Variants in RMND5A observed in about 807,000 individuals in gnomAD.
The protein encoded by RMND5A is required for meiotic nuclear division 5 homolog A.
A neutral mutation model predicts 49.7 loss-of-function variants in RMND5A; 17 were observed. The ratio of observed to expected loss-of-function variants is 0.34; its 90% confidence interval spans 0.23 to 0.51. The LOEUF (loss-of-function observed/expected upper bound fraction) is 0.51, where lower values mean the gene tolerates loss of function less well. RMND5A is among the 20% of genes least tolerant of loss of function. The probability of loss-of-function intolerance (pLI) is 0.96; values close to 1 mark genes in which losing one functional copy is unlikely to be tolerated. For synonymous variants in RMND5A, 156 were observed against 167.7 expected, an observed-to-expected ratio of 0.93 and a Z score of 0.54; for missense variants, 255 against 471.3, an observed-to-expected ratio of 0.54 and a Z score of 4.25.
At chr2:86,766,110 C>A in intron 6 of RMND5A, 86 bp downstream of exon 6, 1 of 1,201,946 alleles carries the variant, frequency 8.3e-7, no homozygotes, top group Non-Finnish European at 1.2e-6. Context: ...TGTTTAAAGC[C>A]AAAATAACTT....
chr2:86,733,876 A>T (rs1481339071), intron 1 of RMND5A, among the ~76,000 whole-genome samples: 1 of 144,372 alleles, frequency 6.9e-6, no homozygotes, highest in Non-Finnish European at 1.5e-5. Flanking sequence ...GTAATTCCCC[A>T]GCTTTTCTTC....
intron 6 of RMND5A, among the ~76,000 whole-genome samples, chr2:86,769,400 G>A (rs1157635814): frequency 6.6e-6 from 1 of 152,196 alleles, no homozygotes; most frequent in Admixed American, 6.5e-5. Context: ...AGAAAAATAA[G>A]TCTGGTGGTA....
chr2:86,746,750 C>G (rs995381219), intron 2 of RMND5A, among the ~76,000 whole-genome samples: 2 of 152,190 alleles, frequency 1.3e-5, no homozygotes, highest in African/African-American at 4.8e-5. Context: ...CACAGAAAGG[C>G]AGATAACTAA....
At chr2:86,732,531 G>A (rs1188653688) in intron 1 of RMND5A, among the ~76,000 whole-genome samples, 5 of 145,570 alleles carry the variant, frequency 3.4e-5, no homozygotes, top group Admixed American at 6.8e-5. Flanking sequence ...ACAAATGTAT[G>A]TACAAAATGC....
intron 2 of RMND5A, among the ~76,000 whole-genome samples, chr2:86,741,366 A>G (rs1258321851): frequency 1.3e-5 from 2 of 152,024 alleles, no homozygotes; most frequent in Non-Finnish European, 2.9e-5. Flanking sequence ...AGAAATTTTA[A>G]CCCAGTATGT....
At chr2:86,749,320 G>C (rs1350231511) in intron 2 of RMND5A, among the ~76,000 whole-genome samples, 3 of 152,094 alleles carry the variant, frequency 2.0e-5, no homozygotes, top group African/African-American at 7.2e-5. Flanking sequence ...TTCAGTGCTA[G>C]TTAACAGTTT....
chr2:86,742,226 C>T (rs548977740), intron 2 of RMND5A, among the ~76,000 whole-genome samples: 103 of 141,540 alleles, frequency 7.3e-4, no homozygotes, highest in African/African-American at 2.5e-3. Context: ...GCCAGAGAGT[C>T]GGAGGGTGGT....
At chr2:86,757,937 T>A (rs1573440396) in intron 4 of RMND5A, among the ~76,000 whole-genome samples, 1 of 152,154 alleles carries the variant, frequency 6.6e-6, no homozygotes, top group Non-Finnish European at 1.5e-5. Context: ...AAGCCTGGAG[T>A]TGGAACAAGA....
rs377747304 is a variant in RMND5A at position 86,770,541 on chromosome 2, AT to A, written c.957+417del. Among the ~76,000 whole-genome samples the A allele has an allele frequency of 2.5e-3, 377 of 152,346 alleles. 2 individuals carry two copies. The highest frequency in any genetic ancestry group is 8.3e-3 in the African/African-American group (344 of 41,578). On this transcript the variant is annotated intron_variant, in intron 7 of 8. Coordinates refer to ENST00000283632, the MANE Select transcript of RMND5A (RefSeq NM_022780.4). ...TGTGCTGGTTACATTTGCCAATAGA[AT>A]AAGTATAGAGCTCTTAAAGGTCGTA...
At chr2:86,771,735 A>G in intron 8 of RMND5A, 23 bp downstream of exon 8, 1 of 1,584,002 alleles carries the variant, frequency 6.3e-7, no homozygotes, top group African/African-American at 1.3e-5. Flanking sequence ...CTTTTAAAAA[A>G]TGTTAGCAAA....
At chr2:86,764,595 C>G (rs1004344945) in intron 4 of RMND5A, among the ~76,000 whole-genome samples, 1 of 152,180 alleles carries the variant, frequency 6.6e-6, no homozygotes, top group Non-Finnish European at 1.5e-5. Flanking sequence ...ACAAAGTGAA[C>G]AAAATCTTGC....
intron 4 of RMND5A, among the ~76,000 whole-genome samples, chr2:86,758,456 TC>T (rs1681786656): frequency 6.6e-6 from 1 of 152,222 alleles, no homozygotes; most frequent in Non-Finnish European, 1.5e-5. Flanking sequence ...GTTTGTAGTT[TC>T]CGATATTTTG....
At chr2:86,756,866 G>A (rs1681748468) in intron 4 of RMND5A, among the ~76,000 whole-genome samples, 1 of 152,098 alleles carries the variant, frequency 6.6e-6, no homozygotes, top group Admixed American at 6.6e-5. Context: ...AGAAGGCAGA[G>A]GCCAGCCAAA....
chr2:86,776,577 T>A lies in RMND5A; in HGVS notation c.*3166T>A, dbSNP rs1304981180. ...ATGCTGCGATTGATTTCCACCTCAGTGGCTTAGCCTTTGGGACAGTGGATA... is the reference window on the plus strand; with the variant it reads ...ATGCTGCGATTGATTTCCACCTCAGAGGCTTAGCCTTTGGGACAGTGGATA... On this transcript the variant is annotated 3_prime_UTR_variant, in exon 9 of 9. Coordinates refer to ENST00000283632, the MANE Select transcript of RMND5A (RefSeq NM_022780.4). The A allele has an allele frequency of 6.6e-6, 1 of 152,224 alleles. No individual in the cohort carries two copies. Among genetic ancestry groups the A allele is most frequent in the Non-Finnish European group, 1.5e-5 (1 of 68,038 alleles). 9.4% of individuals were successfully genotyped at this position (152,224 alleles called of 1,614,324 possible).
chr2:86,720,963 C>A, intron 1 of RMND5A, 154 bp downstream of exon 1: 2 of 595,060 alleles, frequency 3.4e-6, no homozygotes, highest in Non-Finnish European at 5.4e-6. Flanking sequence ...AGACTTTTTC[C>A]CCTCTTCGTC....
rs1224014526 is a variant in RMND5A, at chr2:86,773,071, C to T, written c.1113-277C>T. Reference sequence around the variant, plus strand: ...GGGAAAGAGAAATTGAATTTATTTTCGAAACCCCAAAAACAATTTCCAGAA... The same window carrying T: ...GGGAAAGAGAAATTGAATTTATTTTTGAAACCCCAAAAACAATTTCCAGAA... On this transcript the variant is annotated intron_variant, in intron 8 of 8. Transcript: ENST00000283632. Among the ~76,000 whole-genome samples the T allele has an allele frequency of 3.3e-5, 5 of 152,090 alleles. No homozygotes were observed. The South Asian group carries it at 6.2e-4, about 19-fold the overall frequency.
chr2:86,762,666 A>T (rs565639467), intron 4 of RMND5A, among the ~76,000 whole-genome samples: 35 of 141,906 alleles, frequency 2.5e-4, no homozygotes, highest in South Asian at 4.4e-4. Flanking sequence ...ATATTTTTTT[A>T]TATATATATA....
At chr2:86,768,757 A>G (rs778792244) in intron 6 of RMND5A, among the ~76,000 whole-genome samples, 2 of 152,166 alleles carry the variant, frequency 1.3e-5, no homozygotes, top group East Asian at 1.9e-4. Context: ...TTGGCTGCCA[A>G]CACTTCCAGA....
intron 6 of RMND5A, among the ~76,000 whole-genome samples, chr2:86,766,574 G>GA (rs1166169954): frequency 6.9e-6 from 1 of 145,156 alleles, no homozygotes; most frequent in Non-Finnish European, 1.5e-5. Flanking sequence ...CGAGGCAGAA[G>GA]AATCGCTTGA....
Sources: allele counts gnomAD v4.1 joint callset (sites outside exome capture counted in the v4.1 genomes callset), GRCh38; gene constraint gnomAD v4.1.1; transcripts MANE v1.5; gene names NCBI Gene and HGNC (gene_info 2026-07-23, HGNC 2026-07-21).